Variants in ZNF445 observed in about 807,000 individuals in gnomAD.
The protein encoded by ZNF445 is zinc finger protein 168.
A neutral mutation model predicts 93.9 loss-of-function variants in ZNF445; 19 were observed. The ratio of observed to expected loss-of-function variants is 0.20; its 90% CI spans 0.14 to 0.30. ZNF445 has a LOEUF of 0.30. Among genes scored for constraint, ZNF445 ranks in the 10% least tolerant of loss-of-function variants. The pLI is 1.00. For synonymous variants in ZNF445, 449 were observed against 446.3 expected (o/e 1.01, Z -0.08); for missense variants, 1,058 against 1,259.4 (o/e 0.84, Z 2.42).
At chr3:44,464,977 G>T (rs1044406996) in intron 1 of ZNF445, among the ~76,000 whole-genome samples, 3 of 149,694 alleles carry the variant, frequency 2.0e-5, no homozygotes, top group African/African-American at 7.4e-5. Context: ...TGAGGCAGCA[G>T]AATTGCTTGA....
At chr3:44,473,490 C>CACACACAAAA (rs774842477) in intron 1 of ZNF445, among the ~76,000 whole-genome samples, 6 of 56,930 alleles carry the variant, frequency 1.1e-4, no homozygotes, top group African/African-American at 2.6e-4. Flanking sequence ...CACACACACA[C>CACACACAAAA]AAAAAATGCT....
chr3:44,457,165 G>A (rs1477252319), intron 2 of ZNF445, among the ~76,000 whole-genome samples: 1 of 152,144 alleles, frequency 6.6e-6, no homozygotes, highest in African/African-American at 2.4e-5. Flanking sequence ...AGTATATTTC[G>A]GGCTCTGAAG....
intron 3 of ZNF445, among the ~76,000 whole-genome samples, chr3:44,452,477 C>CAT (rs1052730277): frequency 2.6e-5 from 4 of 152,084 alleles, no homozygotes; most frequent in African/African-American, 9.7e-5. Context: ...TGTGACTTTA[C>CAT]ATATATCTTA....
In ZNF445 at chr3:44,446,125, T is replaced by C. The variant is rs1023815592; in HGVS notation, c.*450A>G. 1 of 178,036 alleles carries C rather than the reference T, an allele frequency of 5.6e-6. No individual in the cohort carries two copies. The highest frequency in any genetic ancestry group is 1.2e-5 in the Non-Finnish European group (1 of 85,370). 11.0% of individuals were successfully genotyped at this position (178,036 alleles called of 1,614,324 possible). Reference sequence around the variant, plus strand: ...GGGCATTTGGGAAGGCTAGGAGTTCTTGATGCTGCTGCTTTTAAAGTCAAC... The same window carrying C: ...GGGCATTTGGGAAGGCTAGGAGTTCCTGATGCTGCTGCTTTTAAAGTCAAC... On this transcript the variant is annotated 3_prime_UTR_variant, in exon 8 of 8. Coordinates refer to ENST00000396077, the MANE Select transcript of ZNF445 (RefSeq NM_181489.6). The surrounding 1 kb of genome is among the most constrained non-coding windows in gnomAD (Gnocchi z 4.2).
chr3:44,452,717 T>C (rs1222644840), intron 3 of ZNF445, among the ~76,000 whole-genome samples: 6 of 152,218 alleles, frequency 3.9e-5, no homozygotes, highest in Non-Finnish European at 7.3e-5. Context: ...GAACATTTCA[T>C]TGTTTTGGTA....
At chr3:44,453,528 C>T (rs746942543) in intron 3 of ZNF445, among the ~76,000 whole-genome samples, 45 of 152,178 alleles carry the variant, frequency 3.0e-4, no homozygotes, top group Non-Finnish European at 5.0e-4. Flanking sequence ...CTCCTGACCT[C>T]AACTGATCTG....
At chr3:44,473,126 A>G (rs1469753093) in intron 1 of ZNF445, among the ~76,000 whole-genome samples, 1 of 152,164 alleles carries the variant, frequency 6.6e-6, no homozygotes, top group East Asian at 1.9e-4. Flanking sequence ...ATATAAACTG[A>G]TATTAAGCAA....
At chr3:44,476,447 G>C (rs1207934060) in intron 1 of ZNF445, among the ~76,000 whole-genome samples, 2 of 151,536 alleles carry the variant, frequency 1.3e-5, no homozygotes, top group Admixed American at 6.6e-5. Flanking sequence ...TTTGGTCCCT[G>C]AATATGCACA....
At chr3:44,465,203 GT>G (rs1250512573) in intron 1 of ZNF445, among the ~76,000 whole-genome samples, 1 of 152,022 alleles carries the variant, frequency 6.6e-6, no homozygotes, top group Non-Finnish European at 1.5e-5. Context: ...TAGGAAATGT[GT>G]TTTTGTTAAA....
At chr3:44,449,125 C>G (rs1384844620) in intron 7 of ZNF445, among the ~76,000 whole-genome samples, 2 of 151,974 alleles carry the variant, frequency 1.3e-5, no homozygotes, top group Non-Finnish European at 2.9e-5. Context: ...AAAAGAAGGA[C>G]CAAGAAAAGA....
intron 1 of ZNF445, among the ~76,000 whole-genome samples, chr3:44,475,699 A>G (rs1236880025): frequency 1.3e-5 from 2 of 152,310 alleles, no homozygotes; most frequent in East Asian, 3.9e-4. Flanking sequence ...CAGCTGCTAC[A>G]TAGTAATATA....
At chr3:44,453,373 C>T (rs956505075) in intron 3 of ZNF445, among the ~76,000 whole-genome samples, 1 of 151,186 alleles carries the variant, frequency 6.6e-6, no homozygotes, top group Non-Finnish European at 1.5e-5. Context: ...CAGCTCACTG[C>T]AGCCTCCACC....
chr3:44,472,605 A>G (rs1010286100), intron 1 of ZNF445, among the ~76,000 whole-genome samples: 2 of 152,216 alleles, frequency 1.3e-5, no homozygotes, highest in Non-Finnish European at 2.9e-5. Context: ...TGAGTCAAAG[A>G]AAGGTTAGCT....
rs1042727059 is a variant in ZNF445, at chr3:44,445,422, T to A, written c.*1153A>T. 2 of 152,346 alleles carry A rather than the reference T, an allele frequency of 1.3e-5. No homozygotes were observed. The highest frequency in any genetic ancestry group is 2.9e-5 in the Non-Finnish European group (2 of 68,172). The allele number at this position is 152,346 out of a possible 1,614,324, so 9.4% of individuals were successfully genotyped here. ...AACTCAAAATTGTCCAAAAGCTCCCTGCCTCCCTCTGAGCCAGCTCAAGCC... is the reference window on the plus strand; with the variant it reads ...AACTCAAAATTGTCCAAAAGCTCCCAGCCTCCCTCTGAGCCAGCTCAAGCC... On this transcript the variant is annotated 3_prime_UTR_variant, in exon 8 of 8. Transcript: ENST00000396077.
rs1697705907 is a variant in ZNF445 at position 44,437,445 on chromosome 3, A to C, written c.*9130T>G. The C allele has an allele frequency of 6.6e-6, 1 of 151,748 alleles. No homozygotes were observed. The highest frequency in any genetic ancestry group is 2.1e-4 in the South Asian group (1 of 4,790). The allele number at this position is 151,748 out of a possible 1,614,324, so 9.4% of individuals were successfully genotyped here. A position where few individuals can be genotyped will look rare whatever the true frequency, so the allele number is the denominator to read the frequency against. On this transcript the variant is annotated 3_prime_UTR_variant, in exon 8 of 8. Coordinates refer to ENST00000396077, the MANE Select transcript of ZNF445 (RefSeq NM_181489.6). ...TCCAGACTCTTAAGAGAGTTCTTGG[A>C]TCTCGTGCAAGAAAGGATTCAGGGC...
At chr3:44,461,251 T>C (rs762651520) in intron 1 of ZNF445, among the ~76,000 whole-genome samples, 2 of 152,198 alleles carry the variant, frequency 1.3e-5, no homozygotes, top group African/African-American at 2.4e-5. Flanking sequence ...TCTGTGTCTG[T>C]AGCACCACTG....
chr3:44,461,338 T>C (rs1191421577), intron 1 of ZNF445, among the ~76,000 whole-genome samples: 1 of 151,258 alleles, frequency 6.6e-6, no homozygotes, highest in African/African-American at 2.4e-5. Flanking sequence ...TTCTACTCAA[T>C]CAGGAAGATT....
rs1301276693 is a variant in ZNF445, at chr3:44,436,098, TA to T, written c.*10476del. On this transcript the variant is annotated 3_prime_UTR_variant, in exon 8 of 8. Coordinates refer to ENST00000396077, the MANE Select transcript of ZNF445 (RefSeq NM_181489.6). ...TTCAAGAAGCTGTGGGTTTGTGAACTAGATCAAGACTTGGAATTGACTGAGT... is the reference window on the plus strand; with the variant it reads ...TTCAAGAAGCTGTGGGTTTGTGAACTGATCAAGACTTGGAATTGACTGAGT... 6.6e-6 allele frequency: 1 copy of T among 152,244 alleles called. No individual in the cohort carries two copies. Among genetic ancestry groups the T allele is most frequent in the East Asian group, 1.9e-4 (1 of 5,204 alleles). 9.4% of individuals were successfully genotyped at this position (152,244 alleles called of 1,614,324 possible).
chr3:44,460,665 C>A (rs1698101400), intron 1 of ZNF445, among the ~76,000 whole-genome samples: 1 of 152,224 alleles, frequency 6.6e-6, no homozygotes, highest in African/African-American at 2.4e-5. Context: ...GGCTTCCCCC[C>A]ATCCACCAAG....
Sources: gnomAD v4.1 joint callset for allele counts (sites outside exome capture counted in the v4.1 genomes callset) on GRCh38, gnomAD v4.1.1 for gene constraint, Gnocchi (gnomAD v3.1) non-coding constraint, MANE v1.5 for transcripts, NCBI Gene and HGNC (gene_info 2026-07-23, HGNC 2026-07-21) for gene names.